Variants in PELI3 observed in about 807,000 individuals in gnomAD.
PELI3 encodes E3 ubiquitin-protein ligase pellino homolog 3.
PELI3 carries 19 observed loss-of-function variants against 35.5 expected under a neutral mutation model. The ratio of observed to expected loss-of-function variants is 0.54; its 90% CI spans 0.37 to 0.79. The LOEUF (loss-of-function observed/expected upper bound fraction) is 0.79, where lower values mean the gene tolerates loss of function less well. Ranked by LOEUF, PELI3 falls within the 30% of genes least tolerant of loss-of-function variation. The pLI, the probability that PELI3 is intolerant of heterozygous loss-of-function variation, is 0.00. For missense variants in PELI3, 490 were observed against 661.2 expected, an observed-to-expected ratio of 0.74 and a Z score of 2.84; for synonymous variants, 262 against 279.2, an observed-to-expected ratio of 0.94 and a Z score of 0.62.
intron 3 of PELI3, among the ~76,000 whole-genome samples, chr11:66,469,794 T>TTTTG (rs1246148273): frequency 2.7e-5 from 4 of 145,690 alleles, no homozygotes; most frequent in African/African-American, 1.0e-4. Flanking sequence ...GGAATCTGTT[T>TTTTG]TTTTTTTTTG....
intron 7 of PELI3, 128 bp downstream of exon 7, chr11:66,474,053 A>G: frequency 2.5e-6 from 3 of 1,204,292 alleles, no homozygotes; most frequent in Non-Finnish European, 3.6e-6. Flanking sequence ...GCTCCATATC[A>G]GGGAATCCCA....
At chr11:66,474,480 G>T (rs1186460673) in intron 7 of PELI3, 3 of 211,682 alleles carry the variant, frequency 1.4e-5, no homozygotes, top group Non-Finnish European at 2.8e-5. Context: ...GCTGTCCAAG[G>T]TCACATGGCC....
At position 66,475,784 on chromosome 11, in the gene PELI3, A is replaced by G. The variant is rs1284991935; in HGVS notation, c.1027A>G (p.Ser343Gly). Residue 343 changes from serine to glycine, a missense_variant, in exon 8 of 8, where the codon AGC (serine) becomes GGC (glycine). Physicochemically the swap from Ser to Gly is moderately conservative, Grantham distance 56. Around this residue, in one of 3 missense-constraint regions of PELI3, gnomAD observed 349 missense variants for 484.8 expected, o/e 0.72. Transcript: ENST00000320740. ...PVGLSTLAFP[S>G]PARGRTAPDK... ...GGGCCTCAGCACTCTGGCCTTCCCC[A>G]GCCCAGCCCGTGGCCGCACAGCGCC... 1 of 1,609,622 alleles carries G rather than the reference A, an allele frequency of 6.2e-7. No homozygotes were observed. The highest frequency in any genetic ancestry group is 1.1e-5 in the South Asian group (1 of 90,774).
chr11:66,471,349 T>A lies in PELI3; in HGVS notation c.332T>A (p.Ile111Asn), dbSNP rs914989608. 1.2e-6 allele frequency: 2 copies of A among 1,613,766 alleles called. No homozygotes were observed. The highest frequency in any genetic ancestry group is 1.7e-6 in the Non-Finnish European group (2 of 1,179,920). ...NGVKPDVMHH[I>N]STPLVSKALS... ...GTGAAGCCAGACGTCATGCACCACA[T>A]CTCCACGCCGCTCGTCTCCAAGGCA... is the stretch of plus-strand genomic sequence containing the variant. The change falls in exon 4 of 8, where the codon ATC becomes AAC. Residue 111 changes from isoleucine to asparagine, a missense_variant. Ile to Asn is a moderately radical substitution (Grantham distance 149). Coordinates refer to ENST00000320740, the MANE Select transcript of PELI3 (RefSeq NM_145065.3).
Position 66,472,380 on chromosome 11 carries a change from C to A in PELI3, c.366C>A (p.Asn122Lys). ...TTTCTCCCCACCAGGCACTGAGTAACCGTGGTCAGCACAGCATCTCGTATA... is the reference window on the plus strand; with the variant it reads ...TTTCTCCCCACCAGGCACTGAGTAAACGTGGTCAGCACAGCATCTCGTATA... ...STPLVSKALSNRGQHSISYTL... is the reference protein window; with the variant it reads ...STPLVSKALSKRGQHSISYTL... Residue 122 changes from asparagine (N) to lysine (K), a missense_variant, in exon 5 of 8, where the codon AAC becomes AAA. Coordinates refer to ENST00000320740, the MANE Select transcript of PELI3 (RefSeq NM_145065.3). 6.2e-7 allele frequency: 1 copy of A among 1,614,038 alleles called. No individual in the cohort carries two copies. The highest frequency in any genetic ancestry group is 2.2e-5 in the East Asian group (1 of 44,880).
In PELI3 at chr11:66,473,482, G is replaced by A; in HGVS notation, c.651+47G>A. 6.4e-7 allele frequency: 1 copy of A among 1,554,028 alleles called. No homozygotes were observed. The highest frequency in any genetic ancestry group is 2.3e-5 in the East Asian group (1 of 44,022). ...ACCAACTCTTCATCTGTGAGGCAAG[G>A]GGTAGGCTTGGGAGGTGCAGCATCT... On this transcript the variant is annotated intron_variant, in intron 6 of 7. Coordinates refer to ENST00000320740, the MANE Select transcript of PELI3 (RefSeq NM_145065.3). This position sits in a 1 kb window ranked among gnomAD's most constrained non-coding sequence, Gnocchi z 5.8.
chr11:66,471,484 CT>C, intron 4 of PELI3, 113 bp downstream of exon 4: 2 of 1,374,080 alleles, frequency 1.5e-6, no homozygotes, highest in Non-Finnish European at 2.0e-6. Flanking sequence ...GGGGAGCCCA[CT>C]TTGTGTCATC....
Position 66,473,379 on chromosome 11 carries a change from T to C in PELI3, c.595T>C (p.Tyr199His). ...CRILCDRRPP[Y>H]TARIYAAGFD... ...CATCCTCTGTGACCGCCGGCCACCCTATACTGCCCGCATCTATGCCGCTGG... is the reference window on the plus strand; with the variant it reads ...CATCCTCTGTGACCGCCGGCCACCCCATACTGCCCGCATCTATGCCGCTGG... Residue 199 changes from tyrosine (Y) to histidine (H), a missense_variant, in exon 6 of 8, where the codon TAT becomes CAT. Physicochemically the swap from Tyr to His is moderately conservative, Grantham distance 83 (BLOSUM62 2). Transcript: ENST00000320740. The surrounding 1 kb of genome is among the most constrained non-coding windows in gnomAD (Gnocchi z 5.8). The C allele has an allele frequency of 6.2e-7, 1 of 1,613,700 alleles. No individual in the cohort carries two copies. Among genetic ancestry groups the C allele is most frequent in the Non-Finnish European group, 8.5e-7 (1 of 1,180,010 alleles).
intron 5 of PELI3, 138 bp downstream of exon 5, chr11:66,472,608 G>A (rs1442351718): frequency 1.5e-6 from 1 of 665,228 alleles, no homozygotes; most frequent in Non-Finnish European, 2.6e-6. Context: ...CCCGGTGTGG[G>A]CTGTTGACTG....
chr11:66,475,977 A>G lies in PELI3; in HGVS notation c.1220A>G (p.Asp407Gly). The G allele has an allele frequency of 3.7e-6, 6 of 1,611,612 alleles. No individual in the cohort carries two copies. Among genetic ancestry groups the G allele is most frequent in the Non-Finnish European group, 5.1e-6 (6 of 1,179,698 alleles). Reference protein sequence around the residue: ...WLGQEAGLCLDPGPPSHAFAP... With the variant: ...WLGQEAGLCLGPGPPSHAFAP... ...GGCCAGGAGGCCGGCCTCTGCCTGG[A>G]CCCTGGGCCGCCTAGCCATGCCTTT... The change falls in exon 8 of 8, where the codon GAC becomes GGC. Residue 407 changes from aspartate to glycine, a missense_variant. Coordinates refer to ENST00000320740, the MANE Select transcript of PELI3 (RefSeq NM_145065.3).
rs759990043 is a variant in PELI3 at position 66,475,606 on chromosome 11, C to A, written c.849C>A (p.Asn283Lys). The A allele has an allele frequency of 5.6e-6, 9 of 1,611,954 alleles. No homozygotes were observed. Among genetic ancestry groups the A allele is most frequent in the African/African-American group, 1.3e-5 (1 of 74,990 alleles). ...SAQQRGKLVE[N>K]ESNVLQDGSL... is the part of the protein sequence containing the mutation. ...TCTACTGCCTCTGGCAGGTGGAAAA[C>A]GAGTCCAACGTGCTGCAGGACGGCT... The change falls in exon 8 of 8, where the codon AAC becomes AAA. Residue 283 changes from asparagine to lysine, a missense_variant. Transcript: ENST00000320740.
chr11:66,470,972 A>G (rs746594267), intron 3 of PELI3, among the ~76,000 whole-genome samples: 1 of 152,132 alleles, frequency 6.6e-6, no homozygotes, highest in Admixed American at 6.6e-5. Flanking sequence ...AGTGCACAGC[A>G]CCCATCCAGG....
intron 4 of PELI3, 101 bp downstream of exon 4, chr11:66,471,472 C>T (rs1459780118): frequency 5.6e-6 from 8 of 1,431,560 alleles, no homozygotes; most frequent in African/African-American, 2.9e-5. Context: ...CACACCTTAA[C>T]AGGGGAGCCC....
intron 3 of PELI3, among the ~76,000 whole-genome samples, 197 bp downstream of exon 3, chr11:66,469,101 C>G (rs1854630868): frequency 6.6e-6 from 1 of 152,224 alleles, no homozygotes; most frequent in Non-Finnish European, 1.5e-5. Flanking sequence ...ACCATCCACT[C>G]AGATCTTTCC....
chr11:66,473,591 C>T lies in PELI3; in HGVS notation c.652-146C>T. 1 of 1,324,712 alleles carries T rather than the reference C, an allele frequency of 7.5e-7. No individual in the cohort carries two copies. The highest frequency in any genetic ancestry group is 1.0e-6 in the Non-Finnish European group (1 of 977,816). 82.1% of individuals were successfully genotyped at this position (1,324,712 alleles called of 1,614,324 possible). The stretch of plus-strand genomic sequence containing the variant: ...ACCTAACTGATGAGCAAAGTGAGGC[C>T]CAGAGAGACGCTCAAGTCATGCAGC... On this transcript the variant is annotated intron_variant, in intron 6 of 7. Coordinates refer to ENST00000320740, the MANE Select transcript of PELI3 (RefSeq NM_145065.3). This position sits in a 1 kb window ranked among gnomAD's most constrained non-coding sequence, Gnocchi z 5.8.
chr11:66,470,961 C>T (rs552517213), intron 3 of PELI3, among the ~76,000 whole-genome samples: 1 of 152,294 alleles, frequency 6.6e-6, no homozygotes, highest in East Asian at 1.9e-4. Flanking sequence ...TCTACCGCCC[C>T]AGTGCACAGC....
Position 66,468,235 on chromosome 11 carries a change from A to G in PELI3, c.107A>G (p.Gln36Arg). ...CVLSSPGEDA[Q>R]PGEEPIKYGE... Reference sequence around the variant, plus strand: ...CTCTCCTCTCCCGGTGAAGATGCGCAGCCAGGCGAGGAGCCCATCAAGTAT... The same window carrying G: ...CTCTCCTCTCCCGGTGAAGATGCGCGGCCAGGCGAGGAGCCCATCAAGTAT... The change falls in exon 2 of 8, where the codon CAG (glutamine) becomes CGG (arginine). Residue 36 changes from glutamine to arginine, a missense_variant. By Grantham distance (43) the Gln-to-Arg change is conservative. Transcript: ENST00000320740. 6.3e-7 allele frequency: 1 copy of G among 1,594,624 alleles called. No homozygotes were observed.
rs1854570127 is a variant in PELI3 at position 66,467,352 on chromosome 11, C to T, written c.-2+325C>T. 6.6e-6 allele frequency: 1 copy of T among 152,080 alleles called. No individual in the cohort carries two copies. The highest frequency in any genetic ancestry group is 6.5e-5 in the Admixed American group (1 of 15,280). The allele number at this position is 152,080 out of a possible 1,614,324, so 9.4% of individuals were successfully genotyped here. Reference sequence around the variant, plus strand: ...CTGCCCCGGCGCGGTCCCTCTGGCGCGGGGATGTTTTCCAAACGGGCTGCC... The same window carrying T: ...CTGCCCCGGCGCGGTCCCTCTGGCGTGGGGATGTTTTCCAAACGGGCTGCC... On this transcript the variant is annotated intron_variant, in intron 1 of 7. Coordinates refer to ENST00000320740, the MANE Select transcript of PELI3 (RefSeq NM_145065.3). The surrounding 1 kb of genome is among the most constrained non-coding windows in gnomAD (Gnocchi z 4.2).
chr11:66,476,313 C>T lies in PELI3; in HGVS notation c.*146C>T, dbSNP rs1027718006. ...GTTGGATGGGCTGTGCCCTTCCCCC[C>T]AACTGTGGCCCCCCAAGGAGGTCCC... On this transcript the variant is annotated 3_prime_UTR_variant, in exon 8 of 8. Transcript: ENST00000320740. 3.3e-6 allele frequency: 3 copies of T among 909,842 alleles called. No individual in the cohort carries two copies. The Admixed American group carries it at 8.7e-5, about 26-fold the overall frequency. 56.4% of individuals were successfully genotyped at this position (909,842 alleles called of 1,614,324 possible).
Sources: allele counts gnomAD v4.1 joint callset (sites outside exome capture counted in the v4.1 genomes callset), GRCh38; gene constraint gnomAD v4.1.1; regional missense constraint gnomAD v4.1.1; non-coding constraint Gnocchi (gnomAD v3.1); transcripts MANE v1.5; gene names NCBI Gene and HGNC (gene_info 2026-07-23, HGNC 2026-07-21).